The following GPATCH2 variants were observed in gnomAD, a reference collection of about 807,000 sequenced individuals.
GPATCH2 encodes G-patch domain containing 2.
Under a neutral mutation model 58.0 loss-of-function variants are expected in GPATCH2, and 51 were observed. The ratio of observed to expected loss-of-function variants is 0.88; its 90% CI spans 0.70 to 1.11. The LOEUF (loss-of-function observed/expected upper bound fraction) is 1.11. GPATCH2 is among the 50% of genes most tolerant of loss of function. The pLI is 0.00. For synonymous variants in GPATCH2, 222 were observed against 218.5 expected, an observed-to-expected ratio of 1.02 and a Z score of -0.14; for missense variants, 625 against 652.2, an observed-to-expected ratio of 0.96 and a Z score of 0.45.
chr1:217,501,263 G>T (rs906783563), intron 6 of GPATCH2, among the ~76,000 whole-genome samples: 1 of 152,088 alleles, frequency 6.6e-6, no homozygotes, highest in Non-Finnish European at 1.5e-5. Flanking sequence ...AGAAGTTGTT[G>T]CATGTATCAA....
At chr1:217,587,363 C>CTCCTTT (rs766736422) in intron 5 of GPATCH2, among the ~76,000 whole-genome samples, 59 of 152,308 alleles carry the variant, frequency 3.9e-4, no homozygotes, top group Middle Eastern at 6.8e-3. Flanking sequence ...CCACTGAACA[C>CTCCTTT]TCCTTTTCCT....
At chr1:217,591,585 T>C (rs1310555026) in intron 5 of GPATCH2, among the ~76,000 whole-genome samples, 1 of 152,092 alleles carries the variant, frequency 6.6e-6, no homozygotes, top group Non-Finnish European at 1.5e-5. Flanking sequence ...GTGAGTATGA[T>C]AAAACTGTTG....
chr1:217,590,767 G>A (rs1196751509), intron 5 of GPATCH2, among the ~76,000 whole-genome samples: 1 of 152,140 alleles, frequency 6.6e-6, no homozygotes, highest in East Asian at 1.9e-4. Context: ...ATAAATGAGT[G>A]ATAATAGTTC....
intron 8 of GPATCH2, among the ~76,000 whole-genome samples, chr1:217,463,322 C>A (rs112584819): frequency 0.02 from 3,025 of 152,038 alleles, 116 homozygotes; most frequent in African/African-American, 0.069. Context: ...CTTTTTCATG[C>A]GTCTTAAAAT....
intron 5 of GPATCH2, among the ~76,000 whole-genome samples, chr1:217,554,301 G>A (rs1295243053): frequency 3.3e-5 from 5 of 152,188 alleles, no homozygotes; most frequent in Non-Finnish European, 2.9e-5. Flanking sequence ...ACCTGCTTCT[G>A]GAAATTATGA....
intron 5 of GPATCH2, among the ~76,000 whole-genome samples, chr1:217,586,988 T>G (rs1667370828): frequency 6.6e-6 from 1 of 152,204 alleles, no homozygotes; most frequent in South Asian, 2.1e-4. Context: ...TAGTTACTTC[T>G]GGGAGAAGAG....
intron 6 of GPATCH2, among the ~76,000 whole-genome samples, chr1:217,513,252 T>C (rs1662944601): frequency 1.3e-5 from 2 of 151,922 alleles, no homozygotes; most frequent in South Asian, 4.1e-4. Flanking sequence ...GATCATGACA[T>C]TGCACTCCAG....
chr1:217,478,178 A>G (rs1661051959), intron 8 of GPATCH2, among the ~76,000 whole-genome samples: 1 of 152,210 alleles, frequency 6.6e-6, no homozygotes, highest in African/African-American at 2.4e-5. Flanking sequence ...TTTGCAAGAA[A>G]GATGGGTACA....
At chr1:217,563,806 T>C (rs1425449524) in intron 5 of GPATCH2, among the ~76,000 whole-genome samples, 1 of 151,970 alleles carries the variant, frequency 6.6e-6, no homozygotes, top group Non-Finnish European at 1.5e-5. Context: ...GCACTTTGGG[T>C]AGCCAAGGCG....
At chr1:217,433,378 ATATATATTTATTTATTTATTTATT>A (rs1558388500) in intron 9 of GPATCH2, among the ~76,000 whole-genome samples, 2 of 82,042 alleles carry the variant, frequency 2.4e-5, no homozygotes, top group Admixed American at 1.1e-4. Context: ...ATATATATAT[ATATATATTTATTTATTTATTTATT>A]TATTTATTTA....
At chr1:217,444,164 G>A (rs752426538) in intron 9 of GPATCH2, among the ~76,000 whole-genome samples, 1 of 152,146 alleles carries the variant, frequency 6.6e-6, no homozygotes, top group Admixed American at 6.5e-5. Context: ...TGGAGCCCAG[G>A]CAGAAACAAG....
intron 5 of GPATCH2, among the ~76,000 whole-genome samples, chr1:217,596,996 C>G (rs1309552356): frequency 6.6e-6 from 1 of 152,018 alleles, no homozygotes; most frequent in African/African-American, 2.4e-5. Context: ...TACAACTCCA[C>G]AAGGACAAAG....
intron 5 of GPATCH2, among the ~76,000 whole-genome samples, chr1:217,604,823 C>A (rs955796539): frequency 6.6e-6 from 1 of 151,952 alleles, no homozygotes; most frequent in Non-Finnish European, 1.5e-5. Flanking sequence ...GTTAGGAGTT[C>A]GAGACCAGCC....
At chr1:217,488,634 G>C (rs1661564601) in intron 8 of GPATCH2, among the ~76,000 whole-genome samples, 1 of 151,364 alleles carries the variant, frequency 6.6e-6, no homozygotes, top group African/African-American at 2.4e-5. Context: ...AACCTAATTA[G>C]TTCTGCTTTT....
intron 5 of GPATCH2, among the ~76,000 whole-genome samples, chr1:217,538,643 C>G (rs1383159167): frequency 6.6e-6 from 1 of 152,158 alleles, no homozygotes; most frequent in Non-Finnish European, 1.5e-5. Flanking sequence ...CCTGGCCTCT[C>G]CATTCTGACT....
chr1:217,599,824 A>G, intron 5 of GPATCH2, among the ~76,000 whole-genome samples: 1 of 152,330 alleles, frequency 6.6e-6, no homozygotes, highest in Non-Finnish European at 1.5e-5. Context: ...ATTTTTATAA[A>G]GTATTTTTGT....
At chr1:217,606,897 C>T (rs897292470) in intron 5 of GPATCH2, among the ~76,000 whole-genome samples, 1 of 151,974 alleles carries the variant, frequency 6.6e-6, no homozygotes, top group Non-Finnish European at 1.5e-5. Context: ...TGGTGCTGGG[C>T]CCATTATGCA....
At chr1:217,463,844 T>C (rs977400622) in intron 8 of GPATCH2, among the ~76,000 whole-genome samples, 2 of 151,766 alleles carry the variant, frequency 1.3e-5, no homozygotes, top group African/African-American at 4.8e-5. Flanking sequence ...GGGTGAGAGA[T>C]TGAAAGGAGT....
intron 8 of GPATCH2, among the ~76,000 whole-genome samples, chr1:217,480,838 A>G (rs1384009043): frequency 6.6e-6 from 1 of 152,196 alleles, no homozygotes; most frequent in East Asian, 1.9e-4. Flanking sequence ...TTGAAACAAT[A>G]TGGATGGAAC....
Sources: gnomAD v4.1 joint callset for allele counts (sites outside exome capture counted in the v4.1 genomes callset) on GRCh38, gnomAD v4.1.1 for gene constraint, MANE v1.5 for transcripts, NCBI Gene and HGNC (gene_info 2026-07-23, HGNC 2026-07-21) for gene names.